Variants in CACHD1 observed in about 807,000 individuals in gnomAD.
CACHD1 encodes VWFA and cache domain-containing protein 1.
Under a neutral mutation model 138.7 loss-of-function variants are expected in CACHD1, and 71 were observed. The ratio of observed to expected loss-of-function variants is 0.51; its 90% CI spans 0.42 to 0.62. The LOEUF is 0.62. CACHD1 is among the 20% of genes least tolerant of loss of function. The pLI, the probability that CACHD1 is intolerant of heterozygous loss-of-function variation, is 0.00. For synonymous variants in CACHD1, 578 were observed against 591.5 expected (o/e 0.98, Z 0.33); for missense variants, 1,389 against 1,625.3 (o/e 0.85, Z 2.50).
chr1:64,596,638 C>T (rs574063579), intron 3 of CACHD1, among the ~76,000 whole-genome samples: 51 of 152,306 alleles, frequency 3.3e-4, no homozygotes, highest in South Asian at 2.5e-3. Context: ...GACCTCCCAT[C>T]AGAAGCCTCT....
chr1:64,675,303 G>T, intron 19 of CACHD1, 98 bp from the exon 20 acceptor site: 3 of 864,514 alleles, frequency 3.5e-6, no homozygotes, highest in Non-Finnish European at 5.2e-6. Flanking sequence ...TTTATTTTAA[G>T]CTATTTTTCG....
intron 16 of CACHD1, among the ~76,000 whole-genome samples, chr1:64,669,810 G>A (rs1205446443): frequency 6.6e-6 from 1 of 152,050 alleles, no homozygotes; most frequent in Non-Finnish European, 1.5e-5. Context: ...TGTTGCTTTA[G>A]CATGTTTATC....
In CACHD1 at chr1:64,528,004, A is replaced by G. The variant is rs1646553923; in HGVS notation, c.199-22590A>G. On this transcript the variant is annotated intron_variant, in intron 1 of 26. Coordinates refer to ENST00000651257, the MANE Select transcript of CACHD1 (RefSeq NM_020925.4). ...TCTTCATGTTAATGTATGTTGCACA[A>G]TGCAGAATAAATTCTGGAAAGGAGT... Among the ~76,000 whole-genome samples, 5 of 152,228 alleles carry G rather than the reference A, an allele frequency of 3.3e-5. No individual in the cohort carries two copies. The South Asian group carries it at 1.0e-3, about 31-fold the overall frequency.
intron 1 of CACHD1, among the ~76,000 whole-genome samples, chr1:64,538,627 T>A (rs568739758): frequency 3.1e-4 from 47 of 152,356 alleles, no homozygotes; most frequent in African/African-American, 1.1e-3. Context: ...CGCACAGAGC[T>A]GCAATTTGAT....
At chr1:64,476,164 G>C (rs1414262666) in intron 1 of CACHD1, among the ~76,000 whole-genome samples, 1 of 152,160 alleles carries the variant, frequency 6.6e-6, no homozygotes, top group African/African-American at 2.4e-5. Context: ...CAAATCAGTA[G>C]TTCATTAGAT....
chr1:64,525,258 A>G (rs937893551), intron 1 of CACHD1, among the ~76,000 whole-genome samples: 5 of 152,216 alleles, frequency 3.3e-5, no homozygotes, highest in African/African-American at 1.2e-4. Context: ...ATTAGTACTC[A>G]AGATCAGAGA....
In CACHD1 at chr1:64,647,720, G is replaced by A. The variant is rs188086222; in HGVS notation, c.1157-81G>A. 358 of 1,174,262 alleles carry A rather than the reference G, an allele frequency of 3.0e-4. 1 individual carries two copies. The East Asian group carries it at 5.5e-3, about 18-fold the overall frequency. 72.7% of individuals were successfully genotyped at this position (1,174,262 alleles called of 1,614,324 possible). On this transcript the variant is annotated intron_variant, in intron 8 of 26. Coordinates refer to ENST00000651257, the MANE Select transcript of CACHD1 (RefSeq NM_020925.4). ...GTATTACAAGACCTCATCCATGCCC[G>A]TATTTGATCTAAATGGCAAGAGGTT...
At chr1:64,622,149 A>G (rs1647935297) in intron 4 of CACHD1, among the ~76,000 whole-genome samples, 2 of 152,172 alleles carry the variant, frequency 1.3e-5, no homozygotes, top group African/African-American at 4.8e-5. Context: ...AATAAAAGCC[A>G]CCTAAGGCTC....
chr1:64,663,153 G>C (rs1463273940), intron 13 of CACHD1, among the ~76,000 whole-genome samples: 1 of 150,398 alleles, frequency 6.6e-6, no homozygotes, highest in Non-Finnish European at 1.5e-5. Context: ...ATCTCAGATA[G>C]TTTGAAGAAT....
At chr1:64,626,032 A>G (rs1227055469) in intron 4 of CACHD1, among the ~76,000 whole-genome samples, 1 of 152,158 alleles carries the variant, frequency 6.6e-6, no homozygotes, top group Non-Finnish European at 1.5e-5. Context: ...CTCTGGGCAT[A>G]AGTTTCTGGG....
At chr1:64,645,979 T>C (rs1284745959) in intron 8 of CACHD1, among the ~76,000 whole-genome samples, 1 of 152,120 alleles carries the variant, frequency 6.6e-6, no homozygotes, top group African/African-American at 2.4e-5. Context: ...ATGTTGATAA[T>C]AGGCAACCCA....
At chr1:64,615,706 C>G (rs1158443011) in intron 4 of CACHD1, among the ~76,000 whole-genome samples, 1 of 152,112 alleles carries the variant, frequency 6.6e-6, no homozygotes, top group African/African-American at 2.4e-5. Flanking sequence ...TTGTGATTTG[C>G]TATTAGTTGG....
At position 64,597,568 on chromosome 1, in the gene CACHD1, G is replaced by A. The variant is rs201792658; in HGVS notation, c.411-5238G>A. ...TTTTTTTTAACTTACAGGGGTTGGA[G>A]AGATGGAGTTATTTCTCTTGAAACT... is the stretch of plus-strand genomic sequence containing the variant. On this transcript the variant is annotated intron_variant, in intron 3 of 26. Coordinates refer to ENST00000651257, the MANE Select transcript of CACHD1 (RefSeq NM_020925.4). Among the ~76,000 whole-genome samples, 4 of 138,804 alleles carry A rather than the reference G, an allele frequency of 2.9e-5. No homozygotes were observed. The East Asian group carries it at 9.0e-4, about 31-fold the overall frequency. 91.1% of individuals were successfully genotyped at this position (138,804 alleles called of 152,430 possible). A position where few individuals can be genotyped will look rare whatever the true frequency, so the allele number is the denominator to read the frequency against.
At chr1:64,663,558 AAAAAAAAG>A (rs1467871593) in intron 13 of CACHD1, 129 bp from the exon 14 acceptor site, 8 of 1,174,348 alleles carry the variant, frequency 6.8e-6, no homozygotes, top group Middle Eastern at 4.1e-4. Context: ...CTGAAAAAAA[AAAAAAAAG>A]AAAAAAAGGA....
In CACHD1 at chr1:64,653,892, G is replaced by C. The variant is rs199703843; in HGVS notation, c.1664+11G>C. 18 of 1,611,300 alleles carry C rather than the reference G, an allele frequency of 1.1e-5. No homozygotes were observed. The highest frequency in any genetic ancestry group is 1.5e-5 in the Non-Finnish European group (18 of 1,178,974). On this transcript the variant is annotated intron_variant, in intron 11 of 26. Transcript: ENST00000651257. ...GCAAAATATCCTAAGGTAAGGAAAA[G>C]GTGAGGGTCATAGGATTGTTTTTCC...
intron 16 of CACHD1, among the ~76,000 whole-genome samples, chr1:64,669,143 A>G (rs1218679700): frequency 6.6e-6 from 1 of 152,224 alleles, no homozygotes; most frequent in East Asian, 1.9e-4. Context: ...TAAGGGCTCA[A>G]TAAATGTTAA....
rs566925320 is a variant in CACHD1 at position 64,649,908 on chromosome 1, T to G, written c.1390+1874T>G. The stretch of plus-strand genomic sequence containing the variant: ...TAGAGTGTGTCTGTCTTTTCATCTT[T>G]GTGTTTTCAGTCCCTAGAATTATTG... On this transcript the variant is annotated intron_variant, in intron 9 of 26. Transcript: ENST00000651257. 2.0e-5 allele frequency among the ~76,000 whole-genome samples: 3 copies of G among 152,354 alleles called. No individual in the cohort carries two copies. In the South Asian group the frequency reaches 6.2e-4, roughly 32 times the overall value.
rs915076924 is a variant in CACHD1 at position 64,582,425 on chromosome 1, T to G, written c.410+121T>G. The G allele has an allele frequency of 1.0e-5, 9 of 874,402 alleles. No individual in the cohort carries two copies. The African/African-American group carries it at 1.2e-4, about 11-fold the overall frequency. 54.2% of individuals were successfully genotyped at this position (874,402 alleles called of 1,614,324 possible). The stretch of plus-strand genomic sequence containing the variant: ...AAATTGTGTAGCTTGTTTCCCACTA[T>G]TTAAGATAAGCCCTTTATCTTTAGA... On this transcript the variant is annotated intron_variant, in intron 3 of 26. Coordinates refer to ENST00000651257, the MANE Select transcript of CACHD1 (RefSeq NM_020925.4).
chr1:64,687,204 G>A (rs1312915956), intron 26 of CACHD1, among the ~76,000 whole-genome samples: 3 of 152,184 alleles, frequency 2.0e-5, no homozygotes, highest in African/African-American at 7.2e-5. Flanking sequence ...CTTCCTCCAT[G>A]AGTCAGGGAC....
Sources: gnomAD v4.1 joint callset for allele counts (sites outside exome capture counted in the v4.1 genomes callset) on GRCh38, gnomAD v4.1.1 for gene constraint, MANE v1.5 for transcripts, NCBI Gene and HGNC (gene_info 2026-07-23, HGNC 2026-07-21) for gene names.